RMDN2: variants seen among roughly 807,000 people sequenced by gnomAD.
RMDN2 encodes regulator of microtubule dynamics 2, also known as regulator of microtubule dynamics protein 2.
RMDN2 carries 61 observed loss-of-function variants against 52.8 expected under a neutral mutation model. That is an observed-to-expected ratio of 1.16 (90% CI 0.94 to 1.43). RMDN2 has a LOEUF of 1.43. RMDN2 is among the 40% of genes most tolerant of loss of function. RMDN2 has a pLI of 0.00. For missense variants in RMDN2, 592 were observed against 475.3 expected (o/e 1.25, Z -2.28); for synonymous variants, 180 against 153.1 (o/e 1.18, Z -1.30).
intron 2 of RMDN2, chr2:37,952,040 C>T: frequency 6.2e-7 from 1 of 1,613,480 alleles, no homozygotes; most frequent in Non-Finnish European, 8.5e-7. Context: ...GTGGAACTTT[C>T]CCATTCCTCC....
At chr2:37,976,438 G>A (rs1047045899) in intron 4 of RMDN2, 2 of 152,208 alleles carry the variant, frequency 1.3e-5, no homozygotes, top group African/African-American at 2.4e-5. Context: ...AAGATAGCAA[G>A]AGGAAGACAC....
intron 8 of RMDN2, among the ~76,000 whole-genome samples, chr2:38,000,967 A>G (rs1676241562): frequency 6.6e-6 from 1 of 152,228 alleles, no homozygotes; most frequent in South Asian, 2.1e-4. Flanking sequence ...GCTGGAAACC[A>G]CTGGATCAGA....
At chr2:38,005,376 T>G (rs1191129443) in intron 10 of RMDN2, among the ~76,000 whole-genome samples, 1 of 152,162 alleles carries the variant, frequency 6.6e-6, no homozygotes, top group Non-Finnish European at 1.5e-5. Context: ...GTTTCCTGAC[T>G]TTTTAATGAT....
chr2:38,008,281 G>C (rs537055790), intron 10 of RMDN2, among the ~76,000 whole-genome samples: 1 of 152,218 alleles, frequency 6.6e-6, no homozygotes, highest in African/African-American at 2.4e-5. Context: ...CTGTCTCGTT[G>C]ATCTGTCTAA....
chr2:37,940,018 A>G (rs1174852200), intron 2 of RMDN2, among the ~76,000 whole-genome samples: 2 of 152,134 alleles, frequency 1.3e-5, no homozygotes, highest in Non-Finnish European at 2.9e-5. Context: ...CGTGTCTGGT[A>G]CCAGTTTTTC....
chr2:38,059,926 C>T (rs1040802169), intron 10 of RMDN2, among the ~76,000 whole-genome samples: 2 of 151,904 alleles, frequency 1.3e-5, no homozygotes, highest in African/African-American at 4.8e-5. Context: ...GAGACGGAGT[C>T]TCGCTCTGTC....
At chr2:38,039,811 C>A (rs1398094891) in intron 10 of RMDN2, among the ~76,000 whole-genome samples, 1 of 152,168 alleles carries the variant, frequency 6.6e-6, no homozygotes, top group Non-Finnish European at 1.5e-5. Context: ...TGTCAAGAAT[C>A]GGACCATGCC....
chr2:37,923,143 C>A (rs927165243), upstream of RMDN2: 1 of 152,132 alleles, frequency 6.6e-6, no homozygotes, highest in Non-Finnish European at 1.5e-5. Context: ...TTATGTCACC[C>A]CTGCAACAGT....
chr2:37,976,119 C>T (rs535929059), intron 4 of RMDN2, among the ~76,000 whole-genome samples: 1 of 152,246 alleles, frequency 6.6e-6, no homozygotes, highest in South Asian at 2.1e-4. Context: ...ACAAGATTAA[C>T]CTTGTTAAAA....
chr2:37,941,087 C>T (rs546375117), intron 2 of RMDN2, among the ~76,000 whole-genome samples: 1 of 152,304 alleles, frequency 6.6e-6, no homozygotes, highest in Admixed American at 6.5e-5. Flanking sequence ...GCGTGGTCTT[C>T]CTTTTTCTTG....
rs1474448392 is a variant in RMDN2 at position 37,974,144 on chromosome 2, T to C, written c.557T>C (p.Val186Ala). The change falls in exon 3 of 11, where the codon GTA becomes GCA. Residue 186 changes from valine to alanine, a missense_variant. Coordinates refer to ENST00000354545, the MANE Select transcript of RMDN2 (RefSeq NM_001170791.3). ...AATTTAGATGTCCTTCTTCAGAAGGTAGATCATTTACGTATGAGTGAGTCT... is the reference window on the plus strand; with the variant it reads ...AATTTAGATGTCCTTCTTCAGAAGGCAGATCATTTACGTATGAGTGAGTCT... Reference protein sequence around the residue: ...ELNLDVLLQKVDHLRMSESGK... With the variant: ...ELNLDVLLQKADHLRMSESGK... 2 of 1,612,856 alleles carry C rather than the reference T, an allele frequency of 1.2e-6. No individual in the cohort carries two copies. The highest frequency in any genetic ancestry group is 1.7e-6 in the Non-Finnish European group (2 of 1,179,068).
At chr2:37,951,744 A>G in intron 2 of RMDN2, 2 of 1,612,750 alleles carry the variant, frequency 1.2e-6, no homozygotes, top group Non-Finnish European at 1.7e-6. Context: ...ACATATAACC[A>G]TCTCTGCTCC....
chr2:38,041,105 T>A (rs1680920532), intron 10 of RMDN2, among the ~76,000 whole-genome samples: 1 of 152,168 alleles, frequency 6.6e-6, no homozygotes, highest in African/African-American at 2.4e-5. Context: ...AGGTTTGGGT[T>A]CATTTTGGGG....
chr2:38,001,146 A>G (rs1264110672), intron 8 of RMDN2, among the ~76,000 whole-genome samples: 1 of 152,200 alleles, frequency 6.6e-6, no homozygotes, highest in African/African-American at 2.4e-5. Flanking sequence ...GCTTGAGCTT[A>G]TAAGATGTTT....
chr2:38,017,548 T>G lies in RMDN2; in HGVS notation c.*309T>G. The G allele has an allele frequency of 6.1e-6, 7 of 1,141,688 alleles. No individual in the cohort carries two copies. The highest frequency in any genetic ancestry group is 8.1e-6 in the Non-Finnish European group (7 of 864,020). 70.7% of individuals were successfully genotyped at this position (1,141,688 alleles called of 1,614,324 possible). A position where few individuals can be genotyped will look rare whatever the true frequency, so the allele number is the denominator to read the frequency against. Reference sequence around the variant, plus strand: ...AATATTTAAATCCAATAAAATGAATTCTCATGAATATTTTATTGTTTCAAT... The same window carrying G: ...AATATTTAAATCCAATAAAATGAATGCTCATGAATATTTTATTGTTTCAAT... On this transcript the variant is annotated 3_prime_UTR_variant, in exon 11 of 11. Coordinates refer to ENST00000354545, the MANE Select transcript of RMDN2 (RefSeq NM_001170791.3).
intron 3 of RMDN2, 142 bp from the exon 4 acceptor site, chr2:37,975,070 G>A (rs186948761): frequency 1.9e-5 from 12 of 638,882 alleles, no homozygotes; most frequent in Admixed American, 8.7e-5. Flanking sequence ...TGTTTCACAC[G>A]AAATATGCAT....
intron 2 of RMDN2, 47 bp downstream of exon 2, chr2:37,929,776 T>C: frequency 8.0e-7 from 1 of 1,249,786 alleles, no homozygotes; most frequent in Non-Finnish European, 1.1e-6. Flanking sequence ...TTATTATCAT[T>C]ATTACTATTA....
intron 8 of RMDN2, among the ~76,000 whole-genome samples, chr2:38,000,141 C>T (rs1198357739): frequency 6.6e-6 from 1 of 152,130 alleles, no homozygotes; most frequent in Non-Finnish European, 1.5e-5. Flanking sequence ...GTTTAGACAC[C>T]TGTAGGAGTC....
At chr2:38,013,457 C>T (rs1165212026) in intron 10 of RMDN2, among the ~76,000 whole-genome samples, 5 of 152,132 alleles carry the variant, frequency 3.3e-5, no homozygotes, top group African/African-American at 1.2e-4. Context: ...GAAGTGTACT[C>T]TGGGAGTGCT....
Sources: allele counts gnomAD v4.1 joint callset (sites outside exome capture counted in the v4.1 genomes callset), GRCh38; gene constraint gnomAD v4.1.1; transcripts MANE v1.5; gene names NCBI Gene and HGNC (gene_info 2026-07-23, HGNC 2026-07-21).